The following EYS variants were observed in gnomAD, a reference collection of about 807,000 sequenced individuals.
The protein encoded by EYS is EGF-like photoreceptor maintenance factor, also known as protein eyes shut homolog.
In EYS, 250 loss-of-function variants were observed where a neutral mutation model predicts 282.1. The ratio of observed to expected loss-of-function variants is 0.89; its 90% CI spans 0.80 to 0.98. The LOEUF (loss-of-function observed/expected upper bound fraction) is 0.98, where lower values mean the gene tolerates loss of function less well. Ranked by LOEUF, EYS falls within the 50% of genes least tolerant of loss-of-function variation. The pLI is 0.00. For synonymous variants in EYS, 1,355 were observed against 1,282.9 expected (o/e 1.06, Z -1.20); for missense variants, 4,016 against 3,709.0 (o/e 1.08, Z -2.15).
chr6:64,157,495 A>G (rs1774969305), intron 31 of EYS, among the ~76,000 whole-genome samples: 1 of 152,186 alleles, frequency 6.6e-6, no homozygotes, highest in Admixed American at 6.5e-5. Context: ...AGGGCATGCC[A>G]GAAGTCTTCA....
chr6:63,988,701 A>G (rs929218126), intron 34 of EYS, among the ~76,000 whole-genome samples: 1 of 151,652 alleles, frequency 6.6e-6, no homozygotes, highest in Non-Finnish European at 1.5e-5. Context: ...TCAAGATATG[A>G]TGGTACAAGA....
At position 65,357,978 on chromosome 6, in the gene EYS, TA is replaced by T. The variant is rs1562119731; in HGVS notation, c.1300-4362del. Reference sequence around the variant, plus strand: ...AGTTATTTTAATGTGACCTCTCTTTTAAAATGAAGTTAACTTTCAGTAGAAT... The same window carrying T: ...AGTTATTTTAATGTGACCTCTCTTTTAAATGAAGTTAACTTTCAGTAGAAT... On this transcript the variant is annotated intron_variant, in intron 8 of 42. Transcript: ENST00000503581. Among the ~76,000 whole-genome samples, 5 of 151,956 alleles carry T rather than the reference TA, an allele frequency of 3.3e-5. 1 individual carries two copies. The South Asian group carries it at 1.0e-3, about 31-fold the overall frequency.
chr6:64,678,454 T>C (rs1286625262), intron 22 of EYS, among the ~76,000 whole-genome samples: 1 of 151,942 alleles, frequency 6.6e-6, no homozygotes, highest in East Asian at 2.0e-4. Context: ...GGCACGTTCC[T>C]GTATTCCCAG....
intron 5 of EYS, among the ~76,000 whole-genome samples, chr6:65,419,719 CATT>C (rs2150376124): frequency 6.6e-6 from 1 of 151,768 alleles, no homozygotes; most frequent in Admixed American, 6.6e-5. Context: ...ACATTATTAA[CATT>C]ATATTTTAAA....
intron 5 of EYS, among the ~76,000 whole-genome samples, chr6:65,483,887 C>CT (rs1320942830): frequency 6.6e-6 from 1 of 151,984 alleles, no homozygotes; most frequent in Non-Finnish European, 1.5e-5. Context: ...AGAGGAACTC[C>CT]TTTTTTTAAA....
At chr6:65,136,108 C>A (rs576066211) in intron 12 of EYS, among the ~76,000 whole-genome samples, 1 of 151,822 alleles carries the variant, frequency 6.6e-6, no homozygotes, top group Non-Finnish European at 1.5e-5. Context: ...GTCAATGTGG[C>A]CTTCTCCTTG....
chr6:64,219,110 C>T (rs115977310), intron 31 of EYS, among the ~76,000 whole-genome samples: 2 of 152,098 alleles, frequency 1.3e-5, no homozygotes, highest in African/African-American at 2.4e-5. Context: ...GCTGCCCATG[C>T]GGAATTATAA....
At chr6:64,596,043 T>C (rs1206425260) in intron 24 of EYS, among the ~76,000 whole-genome samples, 1 of 151,898 alleles carries the variant, frequency 6.6e-6, no homozygotes, top group Non-Finnish European at 1.5e-5. Context: ...GCACATCACA[T>C]GACAAAAGCA....
intron 14 of EYS, among the ~76,000 whole-genome samples, chr6:64,967,485 T>G (rs1770139287): frequency 6.6e-6 from 1 of 152,066 alleles, no homozygotes; most frequent in Non-Finnish European, 1.5e-5. Flanking sequence ...ACCTGGCTAA[T>G]TTTTTTATTT....
intron 12 of EYS, among the ~76,000 whole-genome samples, chr6:65,277,502 G>A (rs1457661715): frequency 6.6e-6 from 1 of 151,180 alleles, no homozygotes; most frequent in Non-Finnish European, 1.5e-5. Flanking sequence ...TGCTATGTGA[G>A]GATACAAGGA....
chr6:65,378,033 G>T (rs181563813), intron 8 of EYS, among the ~76,000 whole-genome samples: 1 of 152,050 alleles, frequency 6.6e-6, no homozygotes, highest in Non-Finnish European at 1.5e-5. Context: ...ATAGACAAAT[G>T]CGATCTAATT....
chr6:64,864,745 T>G (rs1766367430), intron 19 of EYS, among the ~76,000 whole-genome samples: 1 of 151,266 alleles, frequency 6.6e-6, no homozygotes, highest in Non-Finnish European at 1.5e-5. Context: ...CTTAGAAAGG[T>G]TAATAATGGG....
chr6:64,348,018 G>T (rs1385757028), intron 29 of EYS, among the ~76,000 whole-genome samples: 1 of 151,284 alleles, frequency 6.6e-6, no homozygotes, highest in East Asian at 2.0e-4. Context: ...TGTTAAACGA[G>T]ATCTTGTGTT....
In EYS at chr6:64,843,835, T is replaced by C. The variant is rs545928794; in HGVS notation, c.2993-21013A>G. Among the ~76,000 whole-genome samples, 3 of 152,224 alleles carry C rather than the reference T, an allele frequency of 2.0e-5. No homozygotes were observed. In the East Asian group the frequency reaches 5.8e-4, roughly 30 times the overall value. On this transcript the variant is annotated intron_variant, in intron 19 of 42. Coordinates refer to ENST00000503581, the MANE Select transcript of EYS (RefSeq NM_001142800.2). ...TTTGGAGGGGCCCAGGGTGGAATGA[T>C]ATGGTTTGGCTATGTGTCCCCACCC...
At chr6:63,818,686 C>T (rs893299766) in intron 36 of EYS, among the ~76,000 whole-genome samples, 19 of 152,358 alleles carry the variant, frequency 1.2e-4, no homozygotes, top group Admixed American at 1.1e-3. Flanking sequence ...CCACCACACT[C>T]CTGTCCTAAT....
intron 11 of EYS, among the ~76,000 whole-genome samples, chr6:65,327,033 T>C (rs992285549): frequency 2.0e-5 from 3 of 151,816 alleles, no homozygotes; most frequent in African/African-American, 4.8e-5. Context: ...CCTCATTTTT[T>C]GACTTGTTTA....
chr6:63,857,816 A>G (rs915112877), intron 36 of EYS: 1 of 196,702 alleles, frequency 5.1e-6, no homozygotes, highest in Non-Finnish European at 1.1e-5. Flanking sequence ...GATACACAAA[A>G]AATATCCTTA....
At chr6:64,327,943 C>T (rs941452506) in intron 29 of EYS, among the ~76,000 whole-genome samples, 1 of 152,106 alleles carries the variant, frequency 6.6e-6, no homozygotes, top group Non-Finnish European at 1.5e-5. Context: ...GGAGGAACTC[C>T]AGGGGGATGA....
intron 13 of EYS, among the ~76,000 whole-genome samples, chr6:65,008,154 G>A (rs1771744172): frequency 6.6e-6 from 1 of 152,124 alleles, no homozygotes; most frequent in South Asian, 2.1e-4. Flanking sequence ...AAGGACTAAG[G>A]AAAACTAGGA....
Sources: allele counts gnomAD v4.1 joint callset (sites outside exome capture counted in the v4.1 genomes callset), GRCh38; gene constraint gnomAD v4.1.1; transcripts MANE v1.5; gene names NCBI Gene and HGNC (gene_info 2026-07-23, HGNC 2026-07-21).